RDH14: variants seen among roughly 807,000 people sequenced by gnomAD.
The protein encoded by RDH14 is alcohol dehydrogenase PAN2.
Under a neutral mutation model 19.3 loss-of-function variants are expected in RDH14, and 17 were observed. The ratio of observed to expected loss-of-function variants is 0.88; its 90% CI spans 0.60 to 1.32. RDH14 has a LOEUF of 1.32. Among genes scored for constraint, RDH14 ranks in the 40% most tolerant of loss-of-function variants. The pLI is 0.00. For missense variants in RDH14, 534 were observed against 449.2 expected (o/e 1.19, Z -1.71); for synonymous variants, 215 against 188.9 (o/e 1.14, Z -1.13).
chr2:18,560,586 G>C lies in RDH14; in HGVS notation c.-14C>G, dbSNP rs1325505656. On this transcript the variant is annotated 5_prime_UTR_variant, in exon 1 of 2. Transcript: ENST00000381249. ...GGCCACTGCCATCGTCAGGCCCGAGGGCCCACCGGCCCCTCCACGGGAGTT... is the reference window on the plus strand; with the variant it reads ...GGCCACTGCCATCGTCAGGCCCGAGCGCCCACCGGCCCCTCCACGGGAGTT... 9 of 1,416,376 alleles carry C rather than the reference G, an allele frequency of 6.4e-6. 1 individual carries two copies. The South Asian group carries it at 1.2e-4, about 19-fold the overall frequency. 87.7% of individuals were successfully genotyped at this position (1,416,376 alleles called of 1,614,324 possible). A position where few individuals can be genotyped will look rare whatever the true frequency, so the allele number is the denominator to read the frequency against.
At chr2:18,555,865 T>C in intron 1 of RDH14, 57 bp from the exon 2 acceptor site, 2 of 1,517,856 alleles carry the variant, frequency 1.3e-6, no homozygotes, top group South Asian at 1.4e-5. Context: ...CTTGTATTGC[T>C]TTTTCTGTTC....
At chr2:18,556,270 T>A (rs1220152836) in intron 1 of RDH14, among the ~76,000 whole-genome samples, 1 of 152,136 alleles carries the variant, frequency 6.6e-6, no homozygotes, top group Non-Finnish European at 1.5e-5. Flanking sequence ...AGAAATACAG[T>A]CAATTTGAGG....
At chr2:18,556,405 A>ATGTT (rs1663920968) in intron 1 of RDH14, among the ~76,000 whole-genome samples, 1 of 152,220 alleles carries the variant, frequency 6.6e-6, no homozygotes, top group Non-Finnish European at 1.5e-5. Context: ...CTATGATAAA[A>ATGTT]TGTTTAAAAA....
At chr2:18,558,603 T>C (rs1663988638) in intron 1 of RDH14, among the ~76,000 whole-genome samples, 1 of 152,236 alleles carries the variant, frequency 6.6e-6, no homozygotes, top group African/African-American at 2.4e-5. Flanking sequence ...TATTCATAAA[T>C]TGATAGCTCA....
chr2:18,560,220 G>A lies in RDH14; in HGVS notation c.353C>T (p.Ser118Leu), dbSNP rs929837153. 24 of 1,527,784 alleles carry A rather than the reference G, an allele frequency of 1.6e-5. No homozygotes were observed. The highest frequency in any genetic ancestry group is 2.0e-5 in the Non-Finnish European group (23 of 1,143,928). 94.6% of individuals were successfully genotyped at this position (1,527,784 alleles called of 1,614,324 possible). ...GCAGAAGGCGCGCACCGAGCGCAGC[G>A]AGGCGAGGTCCAGCTCCCGGACTAT... is the stretch of plus-strand genomic sequence containing the variant. Reference protein sequence around the residue: ...ELIVRELDLASLRSVRAFCQE... With the variant: ...ELIVRELDLALLRSVRAFCQE... Residue 118 changes from serine (S) to leucine (L), a missense_variant, in exon 1 of 2, where the codon TCG becomes TTG. Coordinates refer to ENST00000381249, the MANE Select transcript of RDH14 (RefSeq NM_020905.4).
chr2:18,556,534 C>T (rs758505838), intron 1 of RDH14, among the ~76,000 whole-genome samples: 2 of 152,124 alleles, frequency 1.3e-5, no homozygotes, highest in African/African-American at 4.8e-5. Flanking sequence ...TTGTGCTTTT[C>T]GCATGTCACC....
At position 18,554,889 on chromosome 2, in the gene RDH14, T is replaced by C. The variant is rs1663866078; in HGVS notation, c.*302A>G. On this transcript the variant is annotated 3_prime_UTR_variant, in exon 2 of 2. Coordinates refer to ENST00000381249, the MANE Select transcript of RDH14 (RefSeq NM_020905.4). ...CTCGATAGCACTTTGAGTCACTTAA[T>C]TCTGACAAATATTAATATGTCATCC... The C allele has an allele frequency of 7.7e-6, 2 of 259,766 alleles. No individual in the cohort carries two copies. Among genetic ancestry groups the C allele is most frequent in the Non-Finnish European group, 1.5e-5 (2 of 137,078 alleles). The allele number at this position is 259,766 out of a possible 1,614,324, so 16.1% of individuals were successfully genotyped here.
At chr2:18,559,797 G>A (rs1359534232) in intron 1 of RDH14, among the ~76,000 whole-genome samples, 1 of 152,120 alleles carries the variant, frequency 6.6e-6, no homozygotes, top group African/African-American at 2.4e-5. Flanking sequence ...GTGCTCAGGG[G>A]TTCTGAAGAC....
In RDH14 at chr2:18,554,905, T is replaced by C. The variant is rs1663866881; in HGVS notation, c.*286A>G. On this transcript the variant is annotated 3_prime_UTR_variant, in exon 2 of 2. Transcript: ENST00000381249. ...GTCACTTAATTCTGACAAATATTAA[T>C]ATGTCATCCATGCTTGCCCAGTTAT... 4 of 287,180 alleles carry C rather than the reference T, an allele frequency of 1.4e-5. No homozygotes were observed. Among genetic ancestry groups the C allele is most frequent in the African/African-American group, 4.4e-5 (2 of 45,774 alleles). The allele number at this position is 287,180 out of a possible 1,614,324, so 17.8% of individuals were successfully genotyped here. A position where few individuals can be genotyped will look rare whatever the true frequency, so the allele number is the denominator to read the frequency against.
chr2:18,560,268 C>A lies in RDH14; in HGVS notation c.305G>T (p.Gly102Val). Residue 102 changes from glycine (G) to valine (V), a missense_variant, in exon 1 of 2, where the codon GGC becomes GTC. By Grantham distance (109) the Gly-to-Val change is moderately radical. Transcript: ENST00000381249. Reference sequence around the variant, plus strand: ...TATGAGCTCGCCCACCCCGCTGACGCCAGGCTCTGGGCCGCACTCCGCGGC... The same window carrying A: ...TATGAGCTCGCCCACCCCGCTGACGACAGGCTCTGGGCCGCACTCCGCGGC... ...RQAAECGPEPGVSGVGELIVR... is the reference protein window; with the variant it reads ...RQAAECGPEPVVSGVGELIVR... The A allele has an allele frequency of 6.6e-7, 1 of 1,519,342 alleles. No individual in the cohort carries two copies. Among genetic ancestry groups the A allele is most frequent in the Non-Finnish European group, 8.8e-7 (1 of 1,140,104 alleles). 94.1% of individuals were successfully genotyped at this position (1,519,342 alleles called of 1,614,324 possible).
chr2:18,555,837 A>ATTAT (rs754093130), intron 1 of RDH14, 29 bp from the exon 2 acceptor site: 63 of 1,571,384 alleles, frequency 4.0e-5, no homozygotes, highest in Non-Finnish European at 5.3e-5. Flanking sequence ...GAATGGCAGA[A>ATTAT]TTATTAAGAA....
intron 1 of RDH14, 70 bp from the exon 2 acceptor site, chr2:18,555,878 G>A: frequency 1.1e-5 from 17 of 1,499,760 alleles, no homozygotes; most frequent in Non-Finnish European, 1.3e-5. Context: ...TTCTGTTCAT[G>A]ATAATTACAT....
At chr2:18,558,664 C>A (rs1663990446) in intron 1 of RDH14, among the ~76,000 whole-genome samples, 1 of 152,222 alleles carries the variant, frequency 6.6e-6, no homozygotes. Context: ...TCCTTCTGCT[C>A]ACCTGAGATA....
Position 18,555,239 on chromosome 2 carries a change from T to C in RDH14, c.963A>G (p.Ala321=). Reference sequence around the variant, plus strand: ...CTTCACTGATATCCCAGAGTTTTCTTGCAACAGATTCATCCATAGCTTTGG... The same window carrying C: ...CTTCACTGATATCCCAGAGTTTTCTCGCAACAGATTCATCCATAGCTTTGG... ...LLPKAMDESV[A]RKLWDISEVM... is the part of the protein sequence containing the mutation. The change falls in exon 2 of 2, where the codon GCA becomes GCG. Residue 321 remains alanine (A), a synonymous_variant. Coordinates refer to ENST00000381249, the MANE Select transcript of RDH14 (RefSeq NM_020905.4). 1 of 1,614,144 alleles carries C rather than the reference T, an allele frequency of 6.2e-7. No homozygotes were observed. The highest frequency in any genetic ancestry group is 8.5e-7 in the Non-Finnish European group (1 of 1,179,974).
intron 1 of RDH14, among the ~76,000 whole-genome samples, chr2:18,558,785 T>C (rs1572270863): frequency 6.6e-6 from 1 of 152,194 alleles, no homozygotes; most frequent in African/African-American, 2.4e-5. Context: ...CACATGTAAA[T>C]TGTATTCAGT....
intron 1 of RDH14, among the ~76,000 whole-genome samples, chr2:18,558,536 C>T (rs1317707713): frequency 1.3e-5 from 2 of 152,226 alleles, no homozygotes; most frequent in Admixed American, 1.3e-4. Flanking sequence ...AATTTGCCCA[C>T]ATGGGCCTCA....
chr2:18,560,320 C>A lies in RDH14; in HGVS notation c.253G>T (p.Gly85Cys), dbSNP rs1489439179. ...TGGCGGAGCTCGCGGCGGAGCTGAC[C>A]CGCCGCCTCCTCGGCGCGCGCGCGG... ...RDRARAEEAAGQLRRELRQAA... is the reference protein window; with the variant it reads ...RDRARAEEAACQLRRELRQAA... The change falls in exon 1 of 2, where the codon GGT becomes TGT. Residue 85 changes from glycine to cysteine, a missense_variant. Physicochemically the swap from Gly to Cys is radical, Grantham distance 159 (BLOSUM62 -3). Transcript: ENST00000381249. 9.8e-6 allele frequency: 14 copies of A among 1,421,704 alleles called. No individual in the cohort carries two copies. Among genetic ancestry groups the A allele is most frequent in the African/African-American group, 1.5e-5 (1 of 66,360 alleles). 88.1% of individuals were successfully genotyped at this position (1,421,704 alleles called of 1,614,324 possible). A position where few individuals can be genotyped will look rare whatever the true frequency, so the allele number is the denominator to read the frequency against.
chr2:18,560,256 AC>A lies in RDH14; in HGVS notation c.316del (p.Val106TrpfsTer5). The A allele has an allele frequency of 2.0e-6, 3 of 1,520,774 alleles. No homozygotes were observed. Among genetic ancestry groups the A allele is most frequent in the Non-Finnish European group, 2.6e-6 (3 of 1,140,870 alleles). 94.2% of individuals were successfully genotyped at this position (1,520,774 alleles called of 1,614,324 possible). A position where few individuals can be genotyped will look rare whatever the true frequency, so the allele number is the denominator to read the frequency against. On this transcript the variant is annotated frameshift_variant, in exon 1 of 2. Transcript: ENST00000381249. LOFTEE classifies it high-confidence loss of function. ...CAGCTCCCGGACTATGAGCTCGCCC[AC>A]CCCGCTGACGCCAGGCTCTGGGCCG... ...ECGPEPGVSG[V>X]GELIVRELDL...
chr2:18,559,809 C>T (rs1017713186), intron 1 of RDH14, among the ~76,000 whole-genome samples: 3 of 152,132 alleles, frequency 2.0e-5, no homozygotes, highest in Admixed American at 1.3e-4. Flanking sequence ...TCTGAAGACA[C>T]AGCTTGGTGC....
Sources: gnomAD v4.1 joint callset for allele counts (sites outside exome capture counted in the v4.1 genomes callset) on GRCh38, gnomAD v4.1.1 for gene constraint, MANE v1.5 for transcripts, NCBI Gene and HGNC (gene_info 2026-07-23, HGNC 2026-07-21) for gene names.